The following SPTA1 variants were observed in gnomAD, a reference collection of about 807,000 sequenced individuals.
SPTA1 encodes the protein spectrin alpha chain, erythrocytic 1.
In SPTA1, 177 loss-of-function variants were observed where a neutral mutation model predicts 324.7. The ratio of observed to expected loss-of-function variants is 0.55; its 90% CI spans 0.48 to 0.62. The LOEUF (loss-of-function observed/expected upper bound fraction) is 0.62. SPTA1 is among the 20% of genes least tolerant of loss of function. SPTA1 has a pLI of 0.00. For synonymous variants in SPTA1, 1,195 were observed against 1,041.3 expected (o/e 1.15, Z -2.84); for missense variants, 3,162 against 2,883.6 (o/e 1.10, Z -2.21).
rs370270782 is a variant in SPTA1, at chr1:158,611,304, T to C, written c.7220A>G (p.Tyr2407Cys). The C allele has an allele frequency of 8.1e-6, 13 of 1,613,854 alleles. No homozygotes were observed. Among genetic ancestry groups the C allele is most frequent in the East Asian group, 2.2e-5 (1 of 44,878 alleles). Reference sequence around the variant, plus strand: ...GGAATTGGTGAAGCCAACGTAGTCATAGCCAGAGAGATGGCTTCGACCCCG... The same window carrying C: ...GGAATTGGTGAAGCCAACGTAGTCACAGCCAGAGAGATGGCTTCGACCCCG... ...DPRGRSHLSG[Y>C]DYVGFTNSYF... Residue 2407 changes from tyrosine to cysteine, a missense_variant, in exon 52 of 52, where the codon TAT becomes TGT. By Grantham distance (194) the Tyr-to-Cys change is radical. Coordinates refer to ENST00000643759, the MANE Select transcript of SPTA1 (RefSeq NM_003126.4).
Position 158,647,720 on chromosome 1 carries a change from C to G in SPTA1, c.3715G>C (p.Val1239Leu), listed in dbSNP as rs1199092646. 4.3e-6 allele frequency: 7 copies of G among 1,613,726 alleles called. No homozygotes were observed. Among genetic ancestry groups the G allele is most frequent in the Admixed American group, 1.7e-5 (1 of 59,942 alleles). Residue 1239 changes from valine to leucine, a missense_variant and splice_region_variant, in exon 27 of 52, where the codon GTG becomes CTG. Coordinates refer to ENST00000643759, the MANE Select transcript of SPTA1 (RefSeq NM_003126.4). The part of the protein sequence containing the change: ...ERDLVPLGDK[V>L]TILGETAERL... Reference sequence around the variant, plus strand: ...TCTGCTGTCTCCCCCAGTATGGTCACCTGGGGAGGTACAATAGCTCTGATA... The same window carrying G: ...TCTGCTGTCTCCCCCAGTATGGTCAGCTGGGGAGGTACAATAGCTCTGATA...
intron 35 of SPTA1, chr1:158,639,313 T>C: frequency 6.3e-6 from 3 of 476,112 alleles, no homozygotes; most frequent in South Asian, 2.2e-5. Context: ...TTGGCTTATA[T>C]GTATGCATCA....
intron 39 of SPTA1, among the ~76,000 whole-genome samples, chr1:158,628,911 T>C (rs945629064): frequency 2.6e-5 from 4 of 151,948 alleles, no homozygotes; most frequent in African/African-American, 4.8e-5. Context: ...GACCTATAAC[T>C]ACTGTGGAGA....
chr1:158,623,306 A>T, intron 42 of SPTA1, 114 bp from the exon 43 acceptor site: 1 of 925,232 alleles, frequency 1.1e-6, no homozygotes, highest in Non-Finnish European at 1.8e-6. Flanking sequence ...TAAGATGATG[A>T]TTAAGAAAAA....
chr1:158,656,743 T>C (rs1652856262), intron 19 of SPTA1, 87 bp from the exon 20 acceptor site: 2 of 1,272,692 alleles, frequency 1.6e-6, no homozygotes, highest in South Asian at 1.2e-5. Flanking sequence ...ATGCTATTTG[T>C]CTTAAATCCT....
chr1:158,611,099 C>T lies in SPTA1; in HGVS notation c.*165G>A, dbSNP rs775325981. The T allele has an allele frequency of 5.4e-6, 5 of 927,118 alleles. No individual in the cohort carries two copies. The highest frequency in any genetic ancestry group is 2.2e-5 in the Admixed American group (1 of 45,064). 57.4% of individuals were successfully genotyped at this position (927,118 alleles called of 1,614,324 possible). ...CCCACCCTTGAGATTTTTTAAGATC[C>T]TACAATAAATGTAATATGCACACAA... On this transcript the variant is annotated 3_prime_UTR_variant, in exon 52 of 52. Transcript: ENST00000643759.
Position 158,625,654 on chromosome 1 carries a change from C to T in SPTA1, c.5910+492G>A, listed in dbSNP as rs527888666. On this transcript the variant is annotated intron_variant, in intron 42 of 51. Transcript: ENST00000643759. ...AATAATAAAAAGATAATAGAATAAA[C>T]CAAATAAGAAATTTCAAAAAAAATT... is the stretch of plus-strand genomic sequence containing the variant. Among the ~76,000 whole-genome samples the T allele has an allele frequency of 4.0e-5, 6 of 151,050 alleles. No homozygotes were observed. In the East Asian group the frequency reaches 1.2e-3, roughly 29 times the overall value.
At chr1:158,639,142 T>C in intron 35 of SPTA1, 1 of 173,368 alleles carries the variant, frequency 5.8e-6, no homozygotes, top group Admixed American at 5.5e-5. Flanking sequence ...AAATTTTTGG[T>C]TGCTATTAGG....
intron 29 of SPTA1, 71 bp downstream of exon 29, chr1:158,645,117 A>G: frequency 6.5e-7 from 1 of 1,530,942 alleles, no homozygotes; most frequent in Non-Finnish European, 9.0e-7. Flanking sequence ...CGGAGCCTGT[A>G]ATGACCATAT....
rs1001423333 is a variant in SPTA1 at position 158,657,656 on chromosome 1, T to C, written c.2626A>G (p.Ser876Gly). 9 of 1,614,100 alleles carry C rather than the reference T, an allele frequency of 5.6e-6. No individual in the cohort carries two copies. The highest frequency in any genetic ancestry group is 1.7e-4 in the Middle Eastern group (1 of 6,060). The change falls in exon 19 of 52, where the codon AGT becomes GGT. Residue 876 changes from serine to glycine, a missense_variant. Coordinates refer to ENST00000643759, the MANE Select transcript of SPTA1 (RefSeq NM_003126.4). Reference protein sequence around the residue: ...AAEDVASRVKSLNQNMESLRA... With the variant: ...AAEDVASRVKGLNQNMESLRA... ...AGAGACTCCATATTCTGGTTCAAAC[T>C]CTTGACCCTAGAGGCCACATCTTCT...
In SPTA1 at chr1:158,618,199, C is replaced by G. The variant is rs550688891; in HGVS notation, c.6531-143G>C. 1.3e-5 allele frequency: 11 copies of G among 857,834 alleles called. No homozygotes were observed. In the East Asian group the frequency reaches 2.6e-4, roughly 21 times the overall value. 53.1% of individuals were successfully genotyped at this position (857,834 alleles called of 1,614,324 possible). On this transcript the variant is annotated intron_variant, in intron 45 of 51. Transcript: ENST00000643759. ...TGCCACAAAACATGAATCTGTCCAC[C>G]CACTGGTTCCCAAGGCCTCTCCCAC...
chr1:158,658,769 A>T (rs1222526569), intron 18 of SPTA1, among the ~76,000 whole-genome samples: 1 of 152,202 alleles, frequency 6.6e-6, no homozygotes, highest in South Asian at 2.1e-4. Flanking sequence ...GACATATTAC[A>T]TACAGAGGAG....
intron 40 of SPTA1, 69 bp downstream of exon 40, chr1:158,627,556 C>T: frequency 7.0e-7 from 1 of 1,431,064 alleles, no homozygotes. Context: ...ATGATCTTAG[C>T]ATTTCTACAT....
intron 7 of SPTA1, 64 bp from the exon 8 acceptor site, chr1:158,676,359 T>A: frequency 6.4e-7 from 1 of 1,568,228 alleles, no homozygotes; most frequent in Non-Finnish European, 8.7e-7. Flanking sequence ...GGCAAAGCTT[T>A]GTGGGAGAGG....
chr1:158,653,296 G>A lies in SPTA1; in HGVS notation c.3166C>T (p.Arg1056Cys), dbSNP rs762361277. The change falls in exon 22 of 52, where the codon CGC becomes TGC. Residue 1056 changes from arginine (R) to cysteine (C), a missense_variant. Coordinates refer to ENST00000643759, the MANE Select transcript of SPTA1 (RefSeq NM_003126.4). ...TACTGGTTCTCAATCTGCTCCTGGC[G>A]CTGGGTGATGTTTCCTGGCTCTTCT... ...RREEPGNITQRQEQIENQYRS... is the reference protein window; with the variant it reads ...RREEPGNITQCQEQIENQYRS... The A allele has an allele frequency of 1.9e-5, 30 of 1,613,962 alleles. No individual in the cohort carries two copies. Among genetic ancestry groups the A allele is most frequent in the African/African-American group, 5.3e-5 (4 of 74,880 alleles).
intron 49 of SPTA1, among the ~76,000 whole-genome samples, 182 bp downstream of exon 49, chr1:158,614,071 G>A (rs754828903): frequency 5.3e-5 from 8 of 152,088 alleles, no homozygotes; most frequent in Non-Finnish European, 1.0e-4. Context: ...CATTGAGAAT[G>A]AAGAAATGTA....
At chr1:158,636,111 C>G in intron 37 of SPTA1, 77 bp from the exon 38 acceptor site, 1 of 1,611,448 alleles carries the variant, frequency 6.2e-7, no homozygotes, top group South Asian at 1.1e-5. Flanking sequence ...AGCAAAGTAT[C>G]TAGCCCATCC....
At chr1:158,617,453 T>C in intron 47 of SPTA1, 84 bp downstream of exon 47, 1 of 1,122,870 alleles carries the variant, frequency 8.9e-7, no homozygotes, top group Non-Finnish European at 1.3e-6. Context: ...CCTAAAAGTA[T>C]CACCTGGGCT....
intron 43 of SPTA1, 110 bp downstream of exon 43, chr1:158,622,873 A>G: frequency 9.9e-7 from 1 of 1,012,408 alleles, no homozygotes; most frequent in Non-Finnish European, 1.6e-6. Flanking sequence ...CTTTCAATGC[A>G]ATAAAAGGTT....
Sources: allele counts gnomAD v4.1 joint callset (sites outside exome capture counted in the v4.1 genomes callset), GRCh38; gene constraint gnomAD v4.1.1; transcripts MANE v1.5; gene names NCBI Gene and HGNC (gene_info 2026-07-23, HGNC 2026-07-21).